Variants in FOXP2 observed in about 807,000 individuals in gnomAD.
FOXP2 encodes the protein forkhead box P2.
A neutral mutation model predicts 115.8 loss-of-function variants in FOXP2; 12 were observed. The ratio of observed to expected loss-of-function variants is 0.10; its 90% CI spans 0.07 to 0.17. The LOEUF (loss-of-function observed/expected upper bound fraction) is 0.17, where lower values mean the gene tolerates loss of function less well. Among genes scored for constraint, FOXP2 ranks in the 10% least tolerant of loss-of-function variants. FOXP2 has a pLI of 1.00. For missense variants in FOXP2, 629 were observed against 843.5 expected (o/e 0.75, Z 3.15); for synonymous variants, 328 against 297.7 (o/e 1.10, Z -1.05).
At chr7:114,443,309 A>G (rs1361628448) in intron 2 of FOXP2, among the ~76,000 whole-genome samples, 1 of 152,210 alleles carries the variant, frequency 6.6e-6, no homozygotes, top group African/African-American at 2.4e-5. Context: ...TTAAAAAAGA[A>G]TACAAAAAAG....
chr7:114,223,517 A>G (rs986307335), intron 1 of FOXP2, among the ~76,000 whole-genome samples: 1 of 145,210 alleles, frequency 6.9e-6, no homozygotes, highest in African/African-American at 2.5e-5. Flanking sequence ...TAATATATAT[A>G]TAATATGTAT....
chr7:114,120,289 A>G (rs1342947982), intron 1 of FOXP2, among the ~76,000 whole-genome samples: 1 of 152,150 alleles, frequency 6.6e-6, no homozygotes, highest in Non-Finnish European at 1.5e-5. Flanking sequence ...GAGAAGAGAG[A>G]TAAGTGTGGC....
Position 114,539,538 on chromosome 7 carries a change from T to C in FOXP2, c.258+4832T>C, listed in dbSNP as rs1472210037. Among the ~76,000 whole-genome samples the C allele has an allele frequency of 2.6e-5, 4 of 151,938 alleles. No homozygotes were observed. The East Asian group carries it at 5.8e-4, about 22-fold the overall frequency. Reference sequence around the variant, plus strand: ...TGTATTGAAAGATGAACAGGAGGTCTAATACATTATTTCTTGATCATAAAA... The same window carrying C: ...TGTATTGAAAGATGAACAGGAGGTCCAATACATTATTTCTTGATCATAAAA... On this transcript the variant is annotated intron_variant, in intron 3 of 16. Transcript: ENST00000350908.
intron 7 of FOXP2, among the ~76,000 whole-genome samples, chr7:114,643,852 G>A (rs991107286): frequency 1.3e-5 from 2 of 152,140 alleles, no homozygotes; most frequent in African/African-American, 4.8e-5. Context: ...GTTCTGTTAT[G>A]CAATATGAAT....
intron 2 of FOXP2, among the ~76,000 whole-genome samples, chr7:114,398,217 C>G (rs978332515): frequency 2.0e-5 from 3 of 151,814 alleles, no homozygotes; most frequent in African/African-American, 7.3e-5. Context: ...TTCAAAAATA[C>G]CATATGTAAA....
At chr7:114,619,636 T>G (rs899302744) in intron 3 of FOXP2, among the ~76,000 whole-genome samples, 6 of 152,124 alleles carry the variant, frequency 3.9e-5, no homozygotes, top group African/African-American at 1.4e-4. Context: ...TTTGCAGTAG[T>G]GGAATTTGTA....
chr7:114,253,802 A>G (rs1795519571), intron 1 of FOXP2, among the ~76,000 whole-genome samples: 1 of 152,162 alleles, frequency 6.6e-6, no homozygotes, highest in South Asian at 2.1e-4. Flanking sequence ...ATTTAAGATT[A>G]ATATTGTTAT....
At chr7:114,505,997 C>A (rs1049435238) in intron 2 of FOXP2, among the ~76,000 whole-genome samples, 2 of 151,250 alleles carry the variant, frequency 1.3e-5, no homozygotes, top group African/African-American at 4.8e-5. Context: ...TTAAAATGAC[C>A]AACCTTTTTA....
chr7:114,386,118 G>T (rs6944881), intron 2 of FOXP2, among the ~76,000 whole-genome samples: 10,668 of 152,262 alleles, frequency 0.07, 846 homozygotes, highest in East Asian at 0.32. Flanking sequence ...CGGACACCCT[G>T]CCGGATCCAG....
chr7:114,374,282 T>A (rs1792087501), intron 2 of FOXP2, among the ~76,000 whole-genome samples: 1 of 152,204 alleles, frequency 6.6e-6, no homozygotes, highest in South Asian at 2.1e-4. Context: ...TGAGACAGTC[T>A]CCTGGAATTT....
intron 2 of FOXP2, among the ~76,000 whole-genome samples, chr7:114,401,655 T>C (rs1264913759): frequency 6.6e-6 from 1 of 152,190 alleles, no homozygotes; most frequent in Non-Finnish European, 1.5e-5. Context: ...TTAGATTCCA[T>C]TGCCATTCTC....
chr7:114,434,501 A>T (rs980955954), intron 2 of FOXP2, among the ~76,000 whole-genome samples: 2 of 151,246 alleles, frequency 1.3e-5, no homozygotes, highest in Non-Finnish European at 3.0e-5. Flanking sequence ...AATTAATAGT[A>T]AATTTAATAT....
chr7:114,344,713 G>A (rs2140615), intron 2 of FOXP2, among the ~76,000 whole-genome samples: 63,311 of 151,562 alleles, frequency 0.42, 14,458 homozygotes, highest in South Asian at 0.51. Context: ...ATAAATATAG[G>A]CCTTCCAAAT....
At position 114,502,906 on chromosome 7, in the gene FOXP2, C is replaced by T. The variant is rs190466561; in HGVS notation, c.169-31711C>T. 7.8e-4 allele frequency among the ~76,000 whole-genome samples: 119 copies of T among 152,072 alleles called. 1 individual carries two copies. Among genetic ancestry groups the T allele is most frequent in the African/African-American group, 2.8e-3 (116 of 41,540 alleles). Reference sequence around the variant, plus strand: ...ATTAGCACCTGAGTCTAGGCTAGAACGCATAATTGTCTACAGGCACAGGCC... The same window carrying T: ...ATTAGCACCTGAGTCTAGGCTAGAATGCATAATTGTCTACAGGCACAGGCC... On this transcript the variant is annotated intron_variant, in intron 2 of 16. Transcript: ENST00000350908.
rs886061937 is a variant in FOXP2 at position 114,693,662 on chromosome 7, C to A, written c.*3736C>A. ...TTTTACTATAGAATTAATGTATGAACAGTGTGTCACTGCTGTTGGATGTAA... is the reference window on the plus strand; with the variant it reads ...TTTTACTATAGAATTAATGTATGAAAAGTGTGTCACTGCTGTTGGATGTAA... On this transcript the variant is annotated 3_prime_UTR_variant, in exon 17 of 17. Coordinates refer to ENST00000350908, the MANE Select transcript of FOXP2 (RefSeq NM_014491.4). 7.2e-6 allele frequency: 3 copies of A among 414,204 alleles called. No individual in the cohort carries two copies. The highest frequency in any genetic ancestry group is 1.4e-5 in the Non-Finnish European group (3 of 207,486). 25.7% of individuals were successfully genotyped at this position (414,204 alleles called of 1,614,324 possible). A position where few individuals can be genotyped will look rare whatever the true frequency, so the allele number is the denominator to read the frequency against.
intron 1 of FOXP2, among the ~76,000 whole-genome samples, chr7:114,118,154 T>A (rs1436443177): frequency 6.6e-6 from 1 of 152,122 alleles, no homozygotes; most frequent in Admixed American, 6.6e-5. Flanking sequence ...TCACAGTGGT[T>A]GAATATTTTG....
At chr7:114,445,827 T>G (rs1794810115) in intron 2 of FOXP2, among the ~76,000 whole-genome samples, 1 of 152,096 alleles carries the variant, frequency 6.6e-6, no homozygotes, top group African/African-American at 2.4e-5. Flanking sequence ...GAAATTACCT[T>G]CAGATAACAC....
chr7:114,622,760 A>G (rs1219937332), intron 3 of FOXP2, among the ~76,000 whole-genome samples: 9 of 151,992 alleles, frequency 5.9e-5, no homozygotes, highest in Non-Finnish European at 1.0e-4. Flanking sequence ...TCAAAATCAC[A>G]ATTGTTTTGT....
At chr7:114,194,980 A>T (rs1793867057) in intron 1 of FOXP2, among the ~76,000 whole-genome samples, 1 of 152,140 alleles carries the variant, frequency 6.6e-6, no homozygotes, top group South Asian at 2.1e-4. Context: ...CATTTTTAAT[A>T]TTAATTTTAT....
Sources: allele counts gnomAD v4.1 joint callset (sites outside exome capture counted in the v4.1 genomes callset), GRCh38; gene constraint gnomAD v4.1.1; transcripts MANE v1.5; gene names NCBI Gene and HGNC (gene_info 2026-07-23, HGNC 2026-07-21).